COL4A5: variants seen among roughly 807,000 people sequenced by gnomAD.
The protein encoded by COL4A5 is collagen alpha-5(IV) chain.
COL4A5 carries 26 observed loss-of-function variants against 130.2 expected under a neutral mutation model. The observed-to-expected ratio is 0.20, with a 90% CI of 0.15 to 0.28. COL4A5 has a LOEUF of 0.28. COL4A5 is among the 10% of genes least tolerant of loss of function. The pLI, the probability that COL4A5 is intolerant of heterozygous loss-of-function variation, is 1.00. For synonymous variants in COL4A5, 496 were observed against 439.6 expected (o/e 1.13, Z -1.60); for missense variants, 1,131 against 1,344.3 (o/e 0.84, Z 2.48).
At chrX:108,678,316 A>G (rs899514134) in intron 44 of COL4A5, among the ~76,000 whole-genome samples, 2 of 111,380 alleles carry the variant, frequency 1.8e-5, no homozygotes, top group African/African-American at 6.5e-5. Flanking sequence ...AGTGATCCTT[A>G]AAGCTTTTCA....
chrX:108,569,910 G>A (rs969448807), intron 6 of COL4A5, among the ~76,000 whole-genome samples: 1 of 111,110 alleles, frequency 9.0e-6, no homozygotes, highest in Non-Finnish European at 1.9e-5. Flanking sequence ...TCGAATTCCT[G>A]ACCTCTTGAT....
At chrX:108,507,171 G>A (rs1175270831) in intron 1 of COL4A5, among the ~76,000 whole-genome samples, 1 of 105,421 alleles carries the variant, frequency 9.5e-6, no homozygotes, top group Admixed American at 1.0e-4. Flanking sequence ...TGAGGAGGAG[G>A]GACTCCTTCC....
intron 37 of COL4A5, among the ~76,000 whole-genome samples, chrX:108,655,804 T>A (rs2067829540): frequency 8.9e-6 from 1 of 112,611 alleles, no homozygotes; most frequent in African/African-American, 3.2e-5. Flanking sequence ...GCTGATTATC[T>A]TAGAAAGGTA....
rs752953167 is a variant in COL4A5, at chrX:108,681,881, C to T, written c.4209C>T (p.Gly1403=). The part of the protein sequence containing the change: ...KGLPGPQGPQ[G]LPGPTGPPGD... The stretch of plus-strand genomic sequence containing the variant: ...TACCAGGACCCCAAGGACCTCAAGG[C>T]TTACCAGGTACCAATGCAGATCATC... The change falls in exon 47 of 53, where the codon GGC becomes GGT. Residue 1403 remains glycine, a synonymous_variant. Coordinates refer to ENST00000328300, the MANE Select transcript of COL4A5 (RefSeq NM_033380.3). 5.9e-5 allele frequency: 71 copies of T among 1,205,639 alleles called. No individual in the cohort carries two copies. The highest frequency in any genetic ancestry group is 5.0e-4 in the Admixed American group (23 of 45,616).
At chrX:108,604,044 C>A (rs937687578) in intron 28 of COL4A5, among the ~76,000 whole-genome samples, 8 of 111,997 alleles carry the variant, frequency 7.1e-5, no homozygotes, top group African/African-American at 2.6e-4. Context: ...TTTGCAGTTA[C>A]TTACTCCATT....
intron 1 of COL4A5, among the ~76,000 whole-genome samples, chrX:108,521,532 T>C (rs1248486408): frequency 9.0e-6 from 1 of 111,508 alleles, no homozygotes; most frequent in Non-Finnish European, 1.9e-5. Context: ...CCAGTTTTTC[T>C]TCTATAACCT....
intron 1 of COL4A5, among the ~76,000 whole-genome samples, chrX:108,451,402 A>T (rs373532650): frequency 9.0e-6 from 1 of 111,449 alleles, no homozygotes; most frequent in African/African-American, 3.3e-5. Context: ...TAGTTCTAGA[A>T]CCCTGAGGAA....
At chrX:108,545,971 C>T (rs910434258) in intron 2 of COL4A5, among the ~76,000 whole-genome samples, 2 of 111,614 alleles carry the variant, frequency 1.8e-5, no homozygotes, top group Admixed American at 9.5e-5. Context: ...GAAGATCTTC[C>T]TCCATCCCAT....
chrX:108,677,303 G>C (rs1310761394), intron 43 of COL4A5, among the ~76,000 whole-genome samples, 197 bp from the exon 44 acceptor site: 1 of 112,071 alleles, frequency 8.9e-6, no homozygotes, highest in African/African-American at 3.2e-5. Context: ...AAAAGAGTCT[G>C]CAAATCAGTG....
chrX:108,452,206 C>T (rs2064523560), intron 1 of COL4A5, among the ~76,000 whole-genome samples: 1 of 111,880 alleles, frequency 8.9e-6, no homozygotes, highest in Admixed American at 9.5e-5. Context: ...GTACCAGTAC[C>T]ATGCTGTTTT....
intron 36 of COL4A5, among the ~76,000 whole-genome samples, chrX:108,650,143 A>G (rs1229165413): frequency 8.9e-6 from 1 of 112,066 alleles, no homozygotes; most frequent in Admixed American, 9.5e-5. Context: ...AAGAAGATAT[A>G]CAAATGGCCA....
chrX:108,608,926 C>T (rs1245924627), intron 29 of COL4A5, among the ~76,000 whole-genome samples: 2 of 111,369 alleles, frequency 1.8e-5, no homozygotes, highest in African/African-American at 6.5e-5. Context: ...TACTTTCTTT[C>T]TGAGGCTTCT....
At chrX:108,476,119 A>G (rs1404880736) in intron 1 of COL4A5, among the ~76,000 whole-genome samples, 3 of 111,940 alleles carry the variant, frequency 2.7e-5, no homozygotes, top group Non-Finnish European at 5.6e-5. Context: ...TGAAGAAGCT[A>G]TCTCTTAGTC....
intron 4 of COL4A5, among the ~76,000 whole-genome samples, chrX:108,567,527 C>T (rs2065992132): frequency 9.0e-6 from 1 of 111,320 alleles, no homozygotes; most frequent in African/African-American, 3.3e-5. Context: ...TTTATTTAGT[C>T]ATGTTCCTAT....
In COL4A5 at chrX:108,680,868, A is replaced by G; in HGVS notation, c.4016-17A>G. ...CCCTGTTGCTTTGCCATAAAACTGT[A>G]TGTACCTTCTGTGCAGGCATGAAAG... is the stretch of plus-strand genomic sequence containing the variant. On this transcript the variant is annotated splice_polypyrimidine_tract_variant and intron_variant, in intron 45 of 52. Transcript: ENST00000328300. 1.7e-6 allele frequency: 2 copies of G among 1,208,005 alleles called. No homozygotes were observed. Among genetic ancestry groups the G allele is most frequent in the Middle Eastern group, 2.3e-4 (1 of 4,334 alleles).
At chrX:108,499,175 T>C (rs2065058881) in intron 1 of COL4A5, among the ~76,000 whole-genome samples, 1 of 111,723 alleles carries the variant, frequency 9.0e-6, no homozygotes, top group South Asian at 3.7e-4. Flanking sequence ...CCTCTATTTT[T>C]AGTTTGGTGA....
intron 1 of COL4A5, among the ~76,000 whole-genome samples, 160 bp from the exon 2 acceptor site, chrX:108,539,586 C>G (rs1258754389): frequency 8.9e-6 from 1 of 111,757 alleles, no homozygotes; most frequent in African/African-American, 3.3e-5. Flanking sequence ...TGCAAGCTTC[C>G]TGAGAGGTAA....
intron 1 of COL4A5, among the ~76,000 whole-genome samples, chrX:108,500,852 C>A (rs904995228): frequency 9.0e-6 from 1 of 111,293 alleles, no homozygotes; most frequent in Non-Finnish European, 1.9e-5. Context: ...CATATATATA[C>A]ACACATGCAT....
chrX:108,640,605 G>A (rs2067444239), intron 36 of COL4A5, among the ~76,000 whole-genome samples: 1 of 111,449 alleles, frequency 9.0e-6, no homozygotes, highest in Non-Finnish European at 1.9e-5. Flanking sequence ...TAATTTCATT[G>A]TGGATATGAG....
Sources: allele counts gnomAD v4.1 joint callset (sites outside exome capture counted in the v4.1 genomes callset), GRCh38; gene constraint gnomAD v4.1.1; transcripts MANE v1.5; gene names NCBI Gene and HGNC (gene_info 2026-07-23, HGNC 2026-07-21).